The following RGS7BP variants were observed in gnomAD, a reference collection of about 807,000 sequenced individuals.
The protein encoded by RGS7BP is regulator of G protein signaling 7 binding protein, also known as regulator of G protein signaling 7-binding protein.
In RGS7BP, 9 loss-of-function variants were observed where a neutral mutation model predicts 31.3. That is an observed-to-expected ratio of 0.29 (90% CI 0.17 to 0.50). The LOEUF (loss-of-function observed/expected upper bound fraction) is 0.50, where lower values mean the gene tolerates loss of function less well. Ranked by LOEUF, RGS7BP falls within the 20% of genes least tolerant of loss-of-function variation. The pLI is 0.98. For missense variants in RGS7BP, 274 were observed against 322.0 expected (o/e 0.85, Z 1.14); for synonymous variants, 115 against 120.1 (o/e 0.96, Z 0.28).
rs1052400609 is a variant in RGS7BP at position 64,611,503 on chromosome 5, G to T, written c.*2251G>T. Reference sequence around the variant, plus strand: ...ATTGTCCTTTGTACAACTGAAGACTGTTAATAAATTCAGGTCTCACCTCCA... The same window carrying T: ...ATTGTCCTTTGTACAACTGAAGACTTTTAATAAATTCAGGTCTCACCTCCA... On this transcript the variant is annotated 3_prime_UTR_variant, in exon 6 of 6. Coordinates refer to ENST00000334025, the MANE Select transcript of RGS7BP (RefSeq NM_001029875.3). The T allele has an allele frequency of 2.6e-5, 4 of 152,194 alleles. No homozygotes were observed. The highest frequency in any genetic ancestry group is 9.7e-5 in the African/African-American group (4 of 41,366). The allele number at this position is 152,194 out of a possible 1,614,324, so 9.4% of individuals were successfully genotyped here. A position where few individuals can be genotyped will look rare whatever the true frequency, so the allele number is the denominator to read the frequency against.
At chr5:64,607,216 G>A (rs1422239438) in intron 5 of RGS7BP, among the ~76,000 whole-genome samples, 1 of 152,102 alleles carries the variant, frequency 6.6e-6, no homozygotes, top group Non-Finnish European at 1.5e-5. Flanking sequence ...GGACTGGAAA[G>A]CCAGAATCTA....
In RGS7BP at chr5:64,590,235, GGA is replaced by G. The variant is rs149850024; in HGVS notation, c.464-4458_464-4457del. Among the ~76,000 whole-genome samples the G allele has an allele frequency of 1.7e-3, 261 of 149,442 alleles. 1 individual carries two copies. Among genetic ancestry groups the G allele is most frequent in the African/African-American group, 5.6e-3 (230 of 40,888 alleles). On this transcript the variant is annotated intron_variant, in intron 3 of 5. Transcript: ENST00000334025. ...AGAATCTAAGTGTGAGCACCAAGAG[GGA>G]GAGAGAGAGAGAGAGAAGAAAATCT...
At chr5:64,591,169 T>C (rs1742904055) in intron 3 of RGS7BP, among the ~76,000 whole-genome samples, 1 of 152,110 alleles carries the variant, frequency 6.6e-6, no homozygotes, top group Non-Finnish European at 1.5e-5. Context: ...ATCCATTATA[T>C]GGAGAGAACC....
At chr5:64,584,303 A>C (rs1436585002) in intron 3 of RGS7BP, among the ~76,000 whole-genome samples, 1 of 152,240 alleles carries the variant, frequency 6.6e-6, no homozygotes, top group Non-Finnish European at 1.5e-5. Flanking sequence ...GGTGGAGAGA[A>C]TTTTAACTCC....
At chr5:64,531,624 G>T (rs1002569525) in intron 2 of RGS7BP, among the ~76,000 whole-genome samples, 2 of 152,130 alleles carry the variant, frequency 1.3e-5, no homozygotes, top group African/African-American at 4.8e-5. Context: ...CTCATTCATT[G>T]GTTCAGCCTA....
chr5:64,526,507 C>T (rs1029563375), intron 2 of RGS7BP, among the ~76,000 whole-genome samples: 1 of 152,204 alleles, frequency 6.6e-6, no homozygotes, highest in Admixed American at 6.5e-5. Flanking sequence ...TCCTAATTTG[C>T]AATCTCTGGC....
rs12521261 is a variant in RGS7BP at position 64,587,158 on chromosome 5, C to A, written c.464-7552C>A. ...GGGCCAGTCTGGAAGAGGTGTACAT[C>A]ACTCCTGATCAGAGTCCATTGGCCA... is the stretch of plus-strand genomic sequence containing the variant. On this transcript the variant is annotated intron_variant, in intron 3 of 5. Coordinates refer to ENST00000334025, the MANE Select transcript of RGS7BP (RefSeq NM_001029875.3). 5.5e-3 allele frequency among the ~76,000 whole-genome samples: 841 copies of A among 152,206 alleles called. 30 individuals carry two copies. The highest frequency in any genetic ancestry group is 0.05 in the Admixed American group (768 of 15,274).
intron 2 of RGS7BP, among the ~76,000 whole-genome samples, chr5:64,574,250 G>T (rs542311783): frequency 6.6e-6 from 1 of 151,930 alleles, no homozygotes; most frequent in Admixed American, 6.6e-5. Flanking sequence ...AGCTGAAGAC[G>T]AGATGAAATA....
rs10624566 is a variant in RGS7BP at position 64,556,417 on chromosome 5, CCACACACACACACA to C, written c.333-19326_333-19313del. ...AAAAAAAAAAAGCAATCTTCCCCAG[CCACACACACACACA>C]CACACACACACACACACACACACAC... On this transcript the variant is annotated intron_variant, in intron 2 of 5. Coordinates refer to ENST00000334025, the MANE Select transcript of RGS7BP (RefSeq NM_001029875.3). 1.7e-3 allele frequency among the ~76,000 whole-genome samples: 211 copies of C among 125,430 alleles called. 1 individual carries two copies. Among genetic ancestry groups the C allele is most frequent in the African/African-American group, 6.1e-3 (204 of 33,442 alleles). The allele number at this position is 125,430 out of a possible 152,430, so 82.3% of individuals were successfully genotyped here.
intron 2 of RGS7BP, among the ~76,000 whole-genome samples, chr5:64,564,678 T>C (rs1742128792): frequency 6.6e-6 from 1 of 152,108 alleles, no homozygotes; most frequent in African/African-American, 2.4e-5. Context: ...ACTTACCTCC[T>C]AAAATGTGGT....
intron 2 of RGS7BP, among the ~76,000 whole-genome samples, chr5:64,513,416 AT>A (rs937912560): frequency 8.6e-5 from 13 of 151,054 alleles, no homozygotes; most frequent in African/African-American, 3.2e-4. Flanking sequence ...TTTGTGTTTA[AT>A]TTTTTTGCCC....
intron 3 of RGS7BP, among the ~76,000 whole-genome samples, chr5:64,588,064 AT>A (rs1742806681): frequency 6.6e-6 from 1 of 152,256 alleles, no homozygotes; most frequent in African/African-American, 2.4e-5. Context: ...GTTAAAAGTG[AT>A]AAAAAATTTA....
chr5:64,600,414 T>G (rs1743187917), intron 5 of RGS7BP, among the ~76,000 whole-genome samples: 1 of 152,204 alleles, frequency 6.6e-6, no homozygotes, highest in Non-Finnish European at 1.5e-5. Flanking sequence ...ATTTGGTCAT[T>G]TATAATCATA....
At chr5:64,536,656 G>A (rs1343164088) in intron 2 of RGS7BP, among the ~76,000 whole-genome samples, 3 of 152,122 alleles carry the variant, frequency 2.0e-5, no homozygotes, top group Admixed American at 6.5e-5. Flanking sequence ...CTGGATTAAG[G>A]GAAACTTTCC....
In RGS7BP at chr5:64,506,548, G is replaced by A. The variant is rs1748683234; in HGVS notation, c.-77G>A. ...GTCCGGGCTCCGGCTGCTTGGCGGCGGCGCCCAGGGCAACAACCGGGCCGC... is the reference window on the plus strand; with the variant it reads ...GTCCGGGCTCCGGCTGCTTGGCGGCAGCGCCCAGGGCAACAACCGGGCCGC... On this transcript the variant is annotated 5_prime_UTR_variant, in exon 1 of 6. Coordinates refer to ENST00000334025, the MANE Select transcript of RGS7BP (RefSeq NM_001029875.3). The surrounding 1 kb of genome is among the most constrained non-coding windows in gnomAD (Gnocchi z 4.6). 2.9e-6 allele frequency: 4 copies of A among 1,367,374 alleles called. No individual in the cohort carries two copies. Among genetic ancestry groups the A allele is most frequent in the East Asian group, 4.8e-5 (2 of 42,094 alleles). The allele number at this position is 1,367,374 out of a possible 1,614,324, so 84.7% of individuals were successfully genotyped here.
At chr5:64,590,973 A>G (rs1742898869) in intron 3 of RGS7BP, among the ~76,000 whole-genome samples, 1 of 152,164 alleles carries the variant, frequency 6.6e-6, no homozygotes, top group Admixed American at 6.5e-5. Flanking sequence ...GATGAATTAT[A>G]GAACTGAACA....
chr5:64,517,124 C>T (rs1349525361), intron 2 of RGS7BP, among the ~76,000 whole-genome samples: 1 of 151,994 alleles, frequency 6.6e-6, no homozygotes, highest in African/African-American at 2.4e-5. Context: ...CTTCTATCCT[C>T]AACCTCGCTT....
chr5:64,583,747 A>C (rs1742665807), intron 3 of RGS7BP, among the ~76,000 whole-genome samples: 1 of 152,218 alleles, frequency 6.6e-6, no homozygotes, highest in Non-Finnish European at 1.5e-5. Context: ...ATAAGCATGT[A>C]GTGTTTGAAG....
intron 2 of RGS7BP, among the ~76,000 whole-genome samples, chr5:64,554,188 A>G (rs1292216063): frequency 1.3e-5 from 2 of 152,118 alleles, no homozygotes; most frequent in Non-Finnish European, 2.9e-5. Context: ...AAGCCAGGGT[A>G]TTTATTCTCC....
Sources: allele counts gnomAD v4.1 joint callset (sites outside exome capture counted in the v4.1 genomes callset), GRCh38; gene constraint gnomAD v4.1.1; non-coding constraint Gnocchi (gnomAD v3.1); transcripts MANE v1.5; gene names NCBI Gene and HGNC (gene_info 2026-07-23, HGNC 2026-07-21).